The following TMEM192 variants were observed in gnomAD, a reference collection of about 807,000 sequenced individuals.
The protein encoded by TMEM192 is transmembrane protein 192.
Under a neutral mutation model 26.7 loss-of-function variants are expected in TMEM192, and 20 were observed. The observed-to-expected ratio is 0.75, with a 90% CI of 0.53 to 1.09. TMEM192 has a LOEUF of 1.09. TMEM192 is among the 50% of genes least tolerant of loss of function. The pLI is 0.00. For synonymous variants in TMEM192, 124 were observed against 121.0 expected, an observed-to-expected ratio of 1.02 and a Z score of -0.16; for missense variants, 304 against 322.6, an observed-to-expected ratio of 0.94 and a Z score of 0.44.
chr4:165,097,270 G>A (rs62352206), intron 3 of TMEM192, among the ~76,000 whole-genome samples: 18,744 of 151,980 alleles, frequency 0.12, 1,363 homozygotes, highest in East Asian at 0.3. Flanking sequence ...CGAGGCCGGC[G>A]GATCACAAGG....
intron 3 of TMEM192, among the ~76,000 whole-genome samples, chr4:165,098,118 C>T (rs1030968333): frequency 1.3e-5 from 2 of 151,548 alleles, no homozygotes; most frequent in South Asian, 2.1e-4. Context: ...CATGAGCCAC[C>T]GTGCCCGGCC....
Position 165,079,463 on chromosome 4 carries a change from C to T in TMEM192, c.*195G>A. ...TCCCCTCAAGTTATCCGGGCTTCTA[C>T]AGGTACTTTTCAAGTGACCCACAAG... On this transcript the variant is annotated 3_prime_UTR_variant, in exon 6 of 6. Transcript: ENST00000306480. The T allele has an allele frequency of 2.0e-6, 1 of 503,520 alleles. No individual in the cohort carries two copies. Among genetic ancestry groups the T allele is most frequent in the Non-Finnish European group, 3.4e-6 (1 of 292,934 alleles). The allele number at this position is 503,520 out of a possible 1,614,324, so 31.2% of individuals were successfully genotyped here.
At chr4:165,090,938 A>G (rs1464720493) in intron 3 of TMEM192, among the ~76,000 whole-genome samples, 4 of 136,880 alleles carry the variant, frequency 2.9e-5, no homozygotes, top group African/African-American at 1.0e-4. Flanking sequence ...AAGGTCATAG[A>G]AACCCTAGTA....
rs541746641 is a variant in TMEM192 at position 165,103,216 on chromosome 4, T to G, written c.28-120A>C. On this transcript the variant is annotated intron_variant, in intron 1 of 5. Coordinates refer to ENST00000306480, the MANE Select transcript of TMEM192 (RefSeq NM_001100389.2). ...ACAAATTAAAGGCAAGAGAACACATTGCCTACCTGAATCCAATTTTTTAAA... is the reference window on the plus strand; with the variant it reads ...ACAAATTAAAGGCAAGAGAACACATGGCCTACCTGAATCCAATTTTTTAAA... 103 of 756,482 alleles carry G rather than the reference T, an allele frequency of 1.4e-4. No homozygotes were observed. In the African/African-American group the frequency reaches 1.6e-3, roughly 12 times the overall value. 46.9% of individuals were successfully genotyped at this position (756,482 alleles called of 1,614,324 possible). A position where few individuals can be genotyped will look rare whatever the true frequency, so the allele number is the denominator to read the frequency against.
In TMEM192 at chr4:165,088,494, G is replaced by A; in HGVS notation, c.548C>T (p.Ser183Phe). 3.1e-6 allele frequency: 5 copies of A among 1,613,708 alleles called. No homozygotes were observed. Among genetic ancestry groups the A allele is most frequent in the South Asian group, 1.1e-5 (1 of 90,936 alleles). Residue 183 changes from serine (S) to phenylalanine (F), a missense_variant, in exon 4 of 6, where the codon TCC (serine) becomes TTC (phenylalanine). Ser to Phe is a radical substitution (Grantham distance 155). Coordinates refer to ENST00000306480, the MANE Select transcript of TMEM192 (RefSeq NM_001100389.2). The stretch of plus-strand genomic sequence containing the variant: ...TGTGTAAATGAGGAGACATATCAGG[G>A]AACAGATGAGTTCCAGTGCCAAGAT... ...LAILALELIC[S>F]LICLLIYTVK... is the part of the protein sequence containing the mutation.
In TMEM192 at chr4:165,078,721, G is replaced by T. The variant is rs1236173736; in HGVS notation, c.*937C>A. 6.6e-6 allele frequency: 1 copy of T among 152,226 alleles called. No individual in the cohort carries two copies. The highest frequency in any genetic ancestry group is 1.5e-5 in the Non-Finnish European group (1 of 68,040). The allele number at this position is 152,226 out of a possible 1,614,324, so 9.4% of individuals were successfully genotyped here. A position where few individuals can be genotyped will look rare whatever the true frequency, so the allele number is the denominator to read the frequency against. ...TGCTGCCAATATAATAGGCAACACAGGTTCGTCTAACACAGGTCGGTCTAA... is the reference window on the plus strand; with the variant it reads ...TGCTGCCAATATAATAGGCAACACATGTTCGTCTAACACAGGTCGGTCTAA... On this transcript the variant is annotated 3_prime_UTR_variant, in exon 6 of 6. Coordinates refer to ENST00000306480, the MANE Select transcript of TMEM192 (RefSeq NM_001100389.2).
In TMEM192 at chr4:165,095,950, ATTTTTTTT is replaced by A. The variant is rs35383218; in HGVS notation, c.439+4670_439+4677del. ...CCACCACCCCAGTCATGCCCAGCTAATTTTTTTTTTTTTTTTTTGTATTTTTAGTACAG... is the reference window on the plus strand; with the variant it reads ...CCACCACCCCAGTCATGCCCAGCTAATTTTTTTTTTGTATTTTTAGTACAG... On this transcript the variant is annotated intron_variant, in intron 3 of 5. Coordinates refer to ENST00000306480, the MANE Select transcript of TMEM192 (RefSeq NM_001100389.2). Among the ~76,000 whole-genome samples, 69 of 136,332 alleles carry A rather than the reference ATTTTTTTT, an allele frequency of 5.1e-4. 2 individuals carry two copies. The East Asian group carries it at 0.012, about 24-fold the overall frequency. 89.4% of individuals were successfully genotyped at this position (136,332 alleles called of 152,430 possible).
At chr4:165,095,282 A>C (rs557296237) in intron 3 of TMEM192, among the ~76,000 whole-genome samples, 2 of 152,162 alleles carry the variant, frequency 1.3e-5, no homozygotes, top group Non-Finnish European at 2.9e-5. Context: ...TTAAAACAAG[A>C]ATTCTGATTT....
chr4:165,079,480 A>T lies in TMEM192; in HGVS notation c.*178T>A. ...GGCTTCTACAGGTACTTTTCAAGTGACCCACAAGCCCTATATTTTAAACAG... is the reference window on the plus strand; with the variant it reads ...GGCTTCTACAGGTACTTTTCAAGTGTCCCACAAGCCCTATATTTTAAACAG... On this transcript the variant is annotated 3_prime_UTR_variant, in exon 6 of 6. Transcript: ENST00000306480. 5.4e-6 allele frequency: 3 copies of T among 555,888 alleles called. No individual in the cohort carries two copies. In the South Asian group the frequency reaches 1.0e-4, roughly 19 times the overall value. 34.4% of individuals were successfully genotyped at this position (555,888 alleles called of 1,614,324 possible).
chr4:165,103,042 G>A lies in TMEM192; in HGVS notation c.82C>T (p.Leu28Phe), dbSNP rs771716439. The A allele has an allele frequency of 1.9e-6, 3 of 1,613,450 alleles. No individual in the cohort carries two copies. The highest frequency in any genetic ancestry group is 1.7e-5 in the Admixed American group (1 of 59,876). ...GCTTGTAATGAGTGGTGTGGGAGAA[G>A]CTGGGCATCCAGAAGTGGGTCGTCT... ...IEDDPLLDAQ[L>F]LPHHSLQAHF... is the part of the protein sequence containing the mutation. The change falls in exon 2 of 6, where the codon CTT (leucine) becomes TTT (phenylalanine). Residue 28 changes from leucine to phenylalanine, a missense_variant. Coordinates refer to ENST00000306480, the MANE Select transcript of TMEM192 (RefSeq NM_001100389.2).
intron 3 of TMEM192, among the ~76,000 whole-genome samples, chr4:165,090,432 G>T (rs1734731897): frequency 6.6e-6 from 1 of 151,790 alleles, no homozygotes; most frequent in Non-Finnish European, 1.5e-5. Flanking sequence ...CTTCTGGGTT[G>T]CCAGGAGGGT....
chr4:165,107,250 C>G (rs1453020620), intron 1 of TMEM192, among the ~76,000 whole-genome samples: 1 of 151,958 alleles, frequency 6.6e-6, no homozygotes, highest in East Asian at 1.9e-4. Context: ...GTCTCAAACT[C>G]CTGACCTCAA....
At chr4:165,091,278 T>C (rs1734757032) in intron 3 of TMEM192, among the ~76,000 whole-genome samples, 1 of 151,614 alleles carries the variant, frequency 6.6e-6, no homozygotes, top group Non-Finnish European at 1.5e-5. Flanking sequence ...AAAAAAAAAA[T>C]ACAGAAGTAT....
At chr4:165,098,536 T>A (rs1734967149) in intron 3 of TMEM192, among the ~76,000 whole-genome samples, 1 of 151,792 alleles carries the variant, frequency 6.6e-6, no homozygotes, top group African/African-American at 2.4e-5. Context: ...GGTCTCGAAC[T>A]CCTGGCCTCA....
At chr4:165,108,641 T>G (rs910659673) in intron 1 of TMEM192, among the ~76,000 whole-genome samples, 1 of 152,186 alleles carries the variant, frequency 6.6e-6, no homozygotes, top group African/African-American at 2.4e-5. Flanking sequence ...TGGCCCTGTA[T>G]GGAGAAACTG....
chr4:165,107,310 C>T (rs1735184813), intron 1 of TMEM192, among the ~76,000 whole-genome samples: 1 of 150,398 alleles, frequency 6.6e-6, no homozygotes. Flanking sequence ...GTGTGAACCA[C>T]TGTACCCAAC....
At chr4:165,088,076 A>G (rs541898089) in intron 4 of TMEM192, among the ~76,000 whole-genome samples, 2 of 151,980 alleles carry the variant, frequency 1.3e-5, no homozygotes, top group East Asian at 1.9e-4. Context: ...TACCTGGCTA[A>G]TTTTTTGTAT....
intron 3 of TMEM192, among the ~76,000 whole-genome samples, chr4:165,090,928 A>AAAAAAAAAAG (rs1734745735): frequency 6.7e-6 from 1 of 149,744 alleles, no homozygotes; most frequent in Non-Finnish European, 1.5e-5. Flanking sequence ...AAAAAAAAAA[A>AAAAAAAAAAG]AGGTCATAGA....
intron 3 of TMEM192, among the ~76,000 whole-genome samples, chr4:165,099,593 C>G (rs1437029613): frequency 1.3e-5 from 2 of 152,122 alleles, no homozygotes; most frequent in African/African-American, 2.4e-5. Context: ...TAACAGTCCT[C>G]TATCCTAGGA....
Sources: gnomAD v4.1 joint callset for allele counts (sites outside exome capture counted in the v4.1 genomes callset) on GRCh38, gnomAD v4.1.1 for gene constraint, MANE v1.5 for transcripts, NCBI Gene and HGNC (gene_info 2026-07-23, HGNC 2026-07-21) for gene names.